Variants in ADAMTS13 observed in about 807,000 individuals in gnomAD.
ADAMTS13 encodes the protein A disintegrin and metalloproteinase with thrombospondin motifs 13.
In ADAMTS13, 110 loss-of-function variants were observed where a neutral mutation model predicts 155.1. The observed-to-expected ratio is 0.71, with a 90% CI of 0.61 to 0.83. ADAMTS13 has a LOEUF of 0.83. Ranked by LOEUF, ADAMTS13 falls within the 40% of genes least tolerant of loss-of-function variation. ADAMTS13 has a pLI of 0.00. For synonymous variants in ADAMTS13, 758 were observed against 756.4 expected, an observed-to-expected ratio of 1.00 and a Z score of -0.03; for missense variants, 1,707 against 1,891.7, an observed-to-expected ratio of 0.90 and a Z score of 1.81.
Position 133,456,756 on chromosome 9 carries a change from C to T in ADAMTS13, c.3724+37C>T. 1 of 1,550,606 alleles carries T rather than the reference C, an allele frequency of 6.4e-7. No individual in the cohort carries two copies. Among genetic ancestry groups the T allele is most frequent in the Non-Finnish European group, 8.7e-7 (1 of 1,146,774 alleles). ...CCTTCTCCACCTCCCTTGGGTGCTC[C>T]AGTCCTGGCAGGGAGGCTGGGTGGG... On this transcript the variant is annotated intron_variant, in intron 27 of 28. Transcript: ENST00000355699. This position sits in a 1 kb window ranked among gnomAD's most constrained non-coding sequence, Gnocchi z 4.4.
chr9:133,430,347 C>T (rs1027755028), intron 8 of ADAMTS13, among the ~76,000 whole-genome samples: 2 of 152,224 alleles, frequency 1.3e-5, no homozygotes, highest in African/African-American at 4.8e-5. Context: ...GGGAGGGCCC[C>T]TGTGCCCAAG....
intron 11 of ADAMTS13, among the ~76,000 whole-genome samples, chr9:133,436,070 G>T (rs1239391329): frequency 6.8e-6 from 1 of 147,928 alleles, no homozygotes; most frequent in Non-Finnish European, 1.5e-5. Context: ...GCCCACCTTA[G>T]CCTCCCAAAG....
At chr9:133,454,648 A>T (rs369556298) in intron 24 of ADAMTS13, 29 bp downstream of exon 24, 1 of 1,569,230 alleles carries the variant, frequency 6.4e-7, no homozygotes, top group South Asian at 1.1e-5. Flanking sequence ...CGGAATCCCT[A>T]TGGGGCTGGG....
At chr9:133,422,668 C>CA in intron 1 of ADAMTS13, 120 bp downstream of exon 1, 1 of 980,810 alleles carries the variant, frequency 1.0e-6, no homozygotes, top group African/African-American at 1.6e-5. Flanking sequence ...TTGCGCTGGG[C>CA]AGGGGAGTCT....
At chr9:133,450,663 C>T (rs979534012) in intron 23 of ADAMTS13, among the ~76,000 whole-genome samples, 1 of 151,848 alleles carries the variant, frequency 6.6e-6, no homozygotes, top group African/African-American at 2.4e-5. Context: ...GCAGGAGAAT[C>T]GCTTGAACCC....
chr9:133,417,931 C>T, upstream of ADAMTS13: 1 of 1,303,318 alleles, frequency 7.7e-7, no homozygotes, highest in South Asian at 1.4e-5. Context: ...AGCGCCTGCC[C>T]AGGCCAGGCC....
chr9:133,458,060 C>T lies in ADAMTS13; in HGVS notation c.3875C>T (p.Ala1292Val), dbSNP rs782097021. The stretch of plus-strand genomic sequence containing the variant: ...CATGCCCTGGCCACCAACATGGGCG[C>T]TGGGACCGAGGGAGCCAATGCCAGC... ...AIHALATNMGAGTEGANASYI... is the reference protein window; with the variant it reads ...AIHALATNMGVGTEGANASYI... The change falls in exon 28 of 29, where the codon GCT becomes GTT. Residue 1292 changes from alanine (A) to valine (V), a missense_variant. Ala to Val is a moderately conservative substitution (Grantham distance 64). Coordinates refer to ENST00000355699, the MANE Select transcript of ADAMTS13 (RefSeq NM_139027.6). 7 of 1,613,318 alleles carry T rather than the reference C, an allele frequency of 4.3e-6. No homozygotes were observed. Among genetic ancestry groups the T allele is most frequent in the African/African-American group, 1.3e-5 (1 of 74,942 alleles).
intron 1 of ADAMTS13, 97 bp from the exon 2 acceptor site, chr9:133,423,004 G>A (rs1564406282): frequency 4.3e-6 from 4 of 935,042 alleles, no homozygotes; most frequent in Non-Finnish European, 6.8e-6. Context: ...TCAAACTCCT[G>A]GACTCAAGTG....
intron 7 of ADAMTS13, 159 bp from the exon 8 acceptor site, chr9:133,429,780 A>T: frequency 1.0e-6 from 1 of 1,000,508 alleles, no homozygotes; most frequent in Non-Finnish European, 1.5e-6. Context: ...CCCAGCCAAG[A>T]GCCGGCTCCT....
chr9:133,448,966 C>T (rs1842252856), intron 22 of ADAMTS13, among the ~76,000 whole-genome samples: 1 of 152,192 alleles, frequency 6.6e-6, no homozygotes, highest in Non-Finnish European at 1.5e-5. Flanking sequence ...GGCCCCTTCC[C>T]AAGGAGACAG....
At position 133,425,806 on chromosome 9, in the gene ADAMTS13, C is replaced by G. The variant is rs1554785068; in HGVS notation, c.415-132C>G. ...AGGCTGCCTGACTACTTCTCTGAGC[C>G]TCAGTTGTCTCATCCCTAACACGGG... On this transcript the variant is annotated intron_variant, in intron 4 of 28. Coordinates refer to ENST00000355699, the MANE Select transcript of ADAMTS13 (RefSeq NM_139027.6). This position sits in a 1 kb window ranked among gnomAD's most constrained non-coding sequence, Gnocchi z 4.6. 5 of 1,499,730 alleles carry G rather than the reference C, an allele frequency of 3.3e-6. No homozygotes were observed. In the African/African-American group the frequency reaches 6.9e-5, roughly 21 times the overall value. 92.9% of individuals were successfully genotyped at this position (1,499,730 alleles called of 1,614,324 possible). A position where few individuals can be genotyped will look rare whatever the true frequency, so the allele number is the denominator to read the frequency against.
intron 24 of ADAMTS13, 86 bp from the exon 25 acceptor site, chr9:133,455,199 T>G (rs1842666134): frequency 7.0e-7 from 1 of 1,424,014 alleles, no homozygotes; most frequent in African/African-American, 1.4e-5. Flanking sequence ...AAGGATTATA[T>G]TGGATCACTC....
chr9:133,447,665 T>G (rs1176832335), intron 21 of ADAMTS13, among the ~76,000 whole-genome samples: 1 of 152,218 alleles, frequency 6.6e-6, no homozygotes, highest in Non-Finnish European at 1.5e-5. Context: ...CTTGGCTCAC[T>G]GCAACCTCCG....
At chr9:133,428,954 C>A (rs1333846136) in intron 7 of ADAMTS13, among the ~76,000 whole-genome samples, 183 bp downstream of exon 7, 1 of 138,150 alleles carries the variant, frequency 7.2e-6, no homozygotes, top group Non-Finnish European at 1.6e-5. Flanking sequence ...GGGGCGGGCG[C>A]GCGAGCCTCC....
intron 11 of ADAMTS13, 139 bp from the exon 12 acceptor site, chr9:133,436,690 C>T (rs1314404183): frequency 1.2e-6 from 1 of 862,288 alleles, no homozygotes; most frequent in African/African-American, 1.7e-5. Context: ...GTTTACAGAG[C>T]AGGGAACCGA....
At position 133,433,670 on chromosome 9, in the gene ADAMTS13, G is replaced by A. The variant is rs782602523; in HGVS notation, c.1274G>A (p.Gly425Asp). The change falls in exon 11 of 29, where the codon GGT becomes GAT. Residue 425 changes from glycine to aspartate, a missense_variant. This residue lies in a region of ADAMTS13 where 733 missense variants were observed against 749.6 expected (regional missense o/e 0.98). Coordinates refer to ENST00000355699, the MANE Select transcript of ADAMTS13 (RefSeq NM_139027.6). ...RPAFGGRACV[G>D]ADLQAEMCNT... is the part of the protein sequence containing the mutation. ...GCCTTTGGGGGGCGTGCATGTGTTGGTGCTGACCTCCAGGCCGAGATGTGC... is the reference window on the plus strand; with the variant it reads ...GCCTTTGGGGGGCGTGCATGTGTTGATGCTGACCTCCAGGCCGAGATGTGC... The A allele has an allele frequency of 1.2e-6, 2 of 1,613,920 alleles. No individual in the cohort carries two copies. Among genetic ancestry groups the A allele is most frequent in the East Asian group, 4.5e-5 (2 of 44,876 alleles).
At chr9:133,455,664 T>G in intron 25 of ADAMTS13, 6 of 1,580,486 alleles carry the variant, frequency 3.8e-6, no homozygotes, top group Non-Finnish European at 5.1e-6. Flanking sequence ...CAAAGGCATC[T>G]TCCTCTGGGA....
chr9:133,415,052 A>G, intron 1 of ADAMTS13: 1 of 1,525,340 alleles, frequency 6.6e-7, no homozygotes, highest in Non-Finnish European at 8.8e-7. Context: ...TTGAATTTGG[A>G]AATTACACAC....
Position 133,435,653 on chromosome 9 carries a change from C to T in ADAMTS13, c.1309-1176C>T, listed in dbSNP as rs781892197. On this transcript the variant is annotated intron_variant, in intron 11 of 28. Coordinates refer to ENST00000355699, the MANE Select transcript of ADAMTS13 (RefSeq NM_139027.6). ...CACCCCATTCTCCTGCCTCAGCTTCCCGAATAGCTGGGACTACAGACGCCC... is the reference window on the plus strand; with the variant it reads ...CACCCCATTCTCCTGCCTCAGCTTCTCGAATAGCTGGGACTACAGACGCCC... 4.3e-4 allele frequency among the ~76,000 whole-genome samples: 65 copies of T among 152,086 alleles called. 1 individual carries two copies. The highest frequency in any genetic ancestry group is 3.4e-3 in the Middle Eastern group (1 of 294).
Sources: allele counts gnomAD v4.1 joint callset (sites outside exome capture counted in the v4.1 genomes callset), GRCh38; gene constraint gnomAD v4.1.1; regional missense constraint gnomAD v4.1.1; non-coding constraint Gnocchi (gnomAD v3.1); transcripts MANE v1.5; gene names NCBI Gene and HGNC (gene_info 2026-07-23, HGNC 2026-07-21).